INPP5E: variants seen among roughly 807,000 people sequenced by gnomAD.
The protein encoded by INPP5E is phosphatidylinositol polyphosphate 5-phosphatase type IV.
In INPP5E, 34 loss-of-function variants were observed where a neutral mutation model predicts 50.5. The observed-to-expected ratio is 0.67, with a 90% confidence interval of 0.51 to 0.90. INPP5E has a LOEUF of 0.90. Among genes scored for constraint, INPP5E ranks in the 40% least tolerant of loss-of-function variants. INPP5E has a pLI of 0.00. For synonymous variants in INPP5E, 447 were observed against 406.0 expected (o/e 1.10, Z -1.21); for missense variants, 942 against 905.5 (o/e 1.04, Z -0.52).
Position 136,439,389 on chromosome 9 carries a change from A to T in INPP5E, c.31T>A (p.Ser11Thr). The T allele has an allele frequency of 6.8e-7, 1 of 1,462,736 alleles. No individual in the cohort carries two copies. Among genetic ancestry groups the T allele is most frequent in the Non-Finnish European group, 9.0e-7 (1 of 1,113,576 alleles). The allele number at this position is 1,462,736 out of a possible 1,614,324, so 90.6% of individuals were successfully genotyped here. MPSKAENLRP[S>T]EPAPQPPEGR... ...TCCGGCGGCTGCGGGGCCGGCTCGG[A>T]GGGCCGCAGATTCTCCGCCTTGGAC... is the stretch of plus-strand genomic sequence containing the variant. The change falls in exon 1 of 10, where the codon TCC (serine) becomes ACC (threonine). Residue 11 changes from serine to threonine, a missense_variant. Transcript: ENST00000371712.
Position 136,429,500 on chromosome 9 carries a change from G to A in INPP5E, c.*175C>T. Reference sequence around the variant, plus strand: ...CTGCCCACCCACACCGTGTGGACCTGCCACAGAGGACAGGCTCGCTCAGGG... The same window carrying A: ...CTGCCCACCCACACCGTGTGGACCTACCACAGAGGACAGGCTCGCTCAGGG... On this transcript the variant is annotated 3_prime_UTR_variant, in exon 10 of 10. Coordinates refer to ENST00000371712, the MANE Select transcript of INPP5E (RefSeq NM_019892.6). 1 of 835,106 alleles carries A rather than the reference G, an allele frequency of 1.2e-6. No homozygotes were observed. Among genetic ancestry groups the A allele is most frequent in the East Asian group, 2.4e-5 (1 of 41,182 alleles). The allele number at this position is 835,106 out of a possible 1,614,324, so 51.7% of individuals were successfully genotyped here.
rs942793713 is a variant in INPP5E, at chr9:136,438,758, A to G, written c.662T>C (p.Leu221Pro). 4 of 1,611,328 alleles carry G rather than the reference A, an allele frequency of 2.5e-6. No individual in the cohort carries two copies. Among genetic ancestry groups the G allele is most frequent in the Non-Finnish European group, 2.5e-6 (3 of 1,179,474 alleles). The part of the protein sequence containing the change: ...KVDSDLADYK[L>P]RAQPLLVRAH... Reference sequence around the variant, plus strand: ...CCGCACCAGGAGCGGCTGCGCGCGGAGCTTGTAGTCTGCAAGATCCGAGTC... The same window carrying G: ...CCGCACCAGGAGCGGCTGCGCGCGGGGCTTGTAGTCTGCAAGATCCGAGTC... Residue 221 changes from leucine (L) to proline (P), a missense_variant, in exon 1 of 10, where the codon CTC (leucine) becomes CCC (proline). By Grantham distance (98) the Leu-to-Pro change is moderately conservative. Coordinates refer to ENST00000371712, the MANE Select transcript of INPP5E (RefSeq NM_019892.6).
chr9:136,434,900 A>G lies in INPP5E; in HGVS notation c.813-37T>C, dbSNP rs765099881. On this transcript the variant is annotated intron_variant, in intron 1 of 9. Coordinates refer to ENST00000371712, the MANE Select transcript of INPP5E (RefSeq NM_019892.6). ...GGACCCCAAGCTCAGGGCCAGGCAC[A>G]GGACACATCCCTGGGGGTCTGGGCC... The G allele has an allele frequency of 1.8e-5, 28 of 1,587,232 alleles. 1 individual carries two copies. The South Asian group carries it at 3.2e-4, about 18-fold the overall frequency.
At chr9:136,434,952 C>T (rs1835798240) in intron 1 of INPP5E, 89 bp from the exon 2 acceptor site, 1 of 1,485,738 alleles carries the variant, frequency 6.7e-7, no homozygotes. Flanking sequence ...TAGCAAAACC[C>T]ATGGAATGTC....
chr9:136,432,119 G>A, intron 6 of INPP5E, 134 bp from the exon 7 acceptor site: 1 of 1,113,570 alleles, frequency 9.0e-7, no homozygotes, highest in Admixed American at 2.0e-5. Context: ...GGGCCCTCAG[G>A]GGTGGGATTC....
intron 2 of INPP5E, 104 bp from the exon 3 acceptor site, chr9:136,434,238 G>A (rs1835779299): frequency 3.7e-6 from 3 of 811,758 alleles, no homozygotes; most frequent in Non-Finnish European, 6.1e-6. Flanking sequence ...TCCTCCGAAT[G>A]AGGGGAAACT....
chr9:136,429,826 C>T lies in INPP5E; in HGVS notation c.1803-19G>A, dbSNP rs764347779. On this transcript the variant is annotated intron_variant, in intron 9 of 9. Coordinates refer to ENST00000371712, the MANE Select transcript of INPP5E (RefSeq NM_019892.6). ...CGGAATGCTGTGGAGGAGGAGGGGG[C>T]GTTAGGAGGGCACCCAGGGCCAGGA... 17 of 1,598,252 alleles carry T rather than the reference C, an allele frequency of 1.1e-5. No individual in the cohort carries two copies. The Middle Eastern group carries it at 7.2e-4, about 67-fold the overall frequency.
intron 1 of INPP5E, chr9:136,436,575 G>C (rs1252634465): frequency 6.6e-6 from 1 of 152,352 alleles, no homozygotes; most frequent in African/African-American, 2.4e-5. Flanking sequence ...AGGAACGGGT[G>C]GGGAAAGGCC....
chr9:136,436,730 G>A (rs1170033571), intron 1 of INPP5E: 1 of 152,408 alleles, frequency 6.6e-6, no homozygotes, highest in Admixed American at 6.5e-5. Context: ...AAAAGAGCGA[G>A]GTTCCAATGT....
Position 136,429,362 on chromosome 9 carries a change from A to C in INPP5E, c.*313T>G. 2 of 467,148 alleles carry C rather than the reference A, an allele frequency of 4.3e-6. No homozygotes were observed. Among genetic ancestry groups the C allele is most frequent in the Non-Finnish European group, 7.9e-6 (2 of 252,696 alleles). 28.9% of individuals were successfully genotyped at this position (467,148 alleles called of 1,614,324 possible). A position where few individuals can be genotyped will look rare whatever the true frequency, so the allele number is the denominator to read the frequency against. Reference sequence around the variant, plus strand: ...CCCAGGGCACAGGAGCTGCTCAGGAACGGATTCTGACGTCTGCCCCCGAGA... The same window carrying C: ...CCCAGGGCACAGGAGCTGCTCAGGACCGGATTCTGACGTCTGCCCCCGAGA... On this transcript the variant is annotated 3_prime_UTR_variant, in exon 10 of 10. Transcript: ENST00000371712.
At position 136,433,220 on chromosome 9, in the gene INPP5E, G is replaced by A. The variant is rs1388522044; in HGVS notation, c.1094C>T (p.Ser365Leu). 3.8e-6 allele frequency: 6 copies of A among 1,594,266 alleles called. No individual in the cohort carries two copies. The highest frequency in any genetic ancestry group is 1.4e-5 in the African/African-American group (1 of 72,760). The change falls in exon 4 of 10, where the codon TCG becomes TTG. Residue 365 changes from serine to leucine, a missense_variant. Transcript: ENST00000371712. Reference protein sequence around the residue: ...TLGPHYVLLSSAAHGVLYMSL... With the variant: ...TLGPHYVLLSLAAHGVLYMSL... ...CATGTAGAGCACGCCGTGGGCCGCC[G>A]AGGACAGCAGCACATAGTGCGGGCC... is the stretch of plus-strand genomic sequence containing the variant.
chr9:136,433,981 C>T, intron 3 of INPP5E, 56 bp downstream of exon 3: 1 of 1,384,770 alleles, frequency 7.2e-7, no homozygotes. Flanking sequence ...CAGCACCCAG[C>T]TGCTTCAGAG....
At chr9:136,431,184 C>T in intron 7 of INPP5E, 67 bp from the exon 8 acceptor site, 3 of 981,466 alleles carry the variant, frequency 3.1e-6, no homozygotes, top group East Asian at 2.6e-5. Flanking sequence ...CCCAGGCCCT[C>T]ACCTCTCCTC....
At position 136,434,682 on chromosome 9, in the gene INPP5E, C is replaced by T. The variant is rs1054705824; in HGVS notation, c.936+58G>A. 31 of 1,561,542 alleles carry T rather than the reference C, an allele frequency of 2.0e-5. No individual in the cohort carries two copies. In the Admixed American group the frequency reaches 2.1e-4, roughly 11 times the overall value. ...ACAGAGCTGCCCCGTCCCCCTCACC[C>T]GCCTTTGTCCAGCACCACCCCACCC... On this transcript the variant is annotated intron_variant, in intron 2 of 9. Transcript: ENST00000371712.
At chr9:136,433,541 G>T (rs879608712) in intron 3 of INPP5E, among the ~76,000 whole-genome samples, 31 of 152,038 alleles carry the variant, frequency 2.0e-4, no homozygotes, top group Non-Finnish European at 4.1e-4. Flanking sequence ...CCGCCTGAGG[G>T]ACTCATGGGC....
intron 5 of INPP5E, 82 bp from the exon 6 acceptor site, chr9:136,432,668 C>T: frequency 9.8e-7 from 1 of 1,017,026 alleles, no homozygotes; most frequent in Non-Finnish European, 1.5e-6. Flanking sequence ...TGGACTGTGC[C>T]CTGACTGCGC....
chr9:136,436,160 G>A (rs1366873904), intron 1 of INPP5E: 1 of 152,262 alleles, frequency 6.6e-6, no homozygotes. Flanking sequence ...ATGTCAGCAG[G>A]GAGGAACCTC....
In INPP5E at chr9:136,432,496, G is replaced by A; in HGVS notation, c.1370C>T (p.Pro457Leu). 1 of 1,550,480 alleles carries A rather than the reference G, an allele frequency of 6.4e-7. No individual in the cohort carries two copies. The highest frequency in any genetic ancestry group is 8.7e-7 in the Non-Finnish European group (1 of 1,146,436). ...GCCCTCACCTGCGCTGGAGCGATAG[G>A]GGTTGGTGTCGGGCACATTTCTGGG... is the stretch of plus-strand genomic sequence containing the variant. The part of the protein sequence containing the change: ...VLPRNVPDTN[P>L]YRSSAADVTT... The change falls in exon 6 of 10, where the codon CCC becomes CTC. Residue 457 changes from proline to leucine, a missense_variant. By Grantham distance (98) the Pro-to-Leu change is moderately conservative (BLOSUM62 -3). Coordinates refer to ENST00000371712, the MANE Select transcript of INPP5E (RefSeq NM_019892.6).
In INPP5E at chr9:136,431,841, A is replaced by T. The variant is rs943352173; in HGVS notation, c.1532T>A (p.Ile511Asn). 3 of 1,590,810 alleles carry T rather than the reference A, an allele frequency of 1.9e-6. No homozygotes were observed. In the African/African-American group the frequency reaches 4.2e-5, roughly 22 times the overall value. ...VPALLQHDQL[I>N]REMRKGSIFK... ...GCCCTCACCTTTCCGCATCTCCCGG[A>T]TGAGCTGGTCGTGCTGCAGCAGCGC... The change falls in exon 7 of 10, where the codon ATC (isoleucine) becomes AAC (asparagine). Residue 511 changes from isoleucine (I) to asparagine (N), a missense_variant. Coordinates refer to ENST00000371712, the MANE Select transcript of INPP5E (RefSeq NM_019892.6).
Sources: allele counts gnomAD v4.1 joint callset (sites outside exome capture counted in the v4.1 genomes callset), GRCh38; gene constraint gnomAD v4.1.1; transcripts MANE v1.5; gene names NCBI Gene and HGNC (gene_info 2026-07-23, HGNC 2026-07-21).